Variants in PRKDC observed in about 807,000 individuals in gnomAD.
PRKDC encodes the protein protein kinase, DNA-activated, catalytic subunit.
In PRKDC, 82 loss-of-function variants were observed where a neutral mutation model predicts 486.9. The observed-to-expected ratio is 0.17, with a 90% confidence interval of 0.14 to 0.20. PRKDC has a LOEUF of 0.20. Ranked by LOEUF, PRKDC falls within the 10% of genes least tolerant of loss-of-function variation. PRKDC has a pLI of 1.00. For missense variants in PRKDC, 4,504 were observed against 5,038.2 expected (o/e 0.89, Z 3.21); for synonymous variants, 1,895 against 1,837.0 (o/e 1.03, Z -0.81).
intron 85 of PRKDC, among the ~76,000 whole-genome samples, chr8:47,774,803 T>A (rs2086575305): frequency 6.6e-6 from 1 of 152,086 alleles, no homozygotes; most frequent in South Asian, 2.1e-4. Flanking sequence ...GTTTTAAAAA[T>A]TTTTGGTAGA....
intron 8 of PRKDC, 41 bp downstream of exon 8, chr8:47,943,933 T>G: frequency 6.4e-7 from 1 of 1,559,130 alleles, no homozygotes; most frequent in Non-Finnish European, 8.7e-7. Flanking sequence ...GTCTGCACTG[T>G]AAAGGCATTA....
In PRKDC at chr8:47,879,480, T is replaced by C. The variant is rs8178112; in HGVS notation, c.5235+11A>G. ...GTGTTTTAATTTTACTTGATACTAC[T>C]AGAAACTAACCTTTTTCATGCAGTC... On this transcript the variant is annotated intron_variant, in intron 39 of 85. Coordinates refer to ENST00000314191, the MANE Select transcript of PRKDC (RefSeq NM_006904.7). 3.9e-6 allele frequency: 6 copies of C among 1,555,918 alleles called. No individual in the cohort carries two copies. The South Asian group carries it at 6.1e-5, about 16-fold the overall frequency.
intron 4 of PRKDC, among the ~76,000 whole-genome samples, chr8:47,954,786 A>C (rs2090675873): frequency 6.6e-6 from 1 of 152,206 alleles, no homozygotes; most frequent in Non-Finnish European, 1.5e-5. Flanking sequence ...AACCAGAAAC[A>C]AAGGAATTCT....
chr8:47,956,148 G>A (rs1292229119), intron 3 of PRKDC, among the ~76,000 whole-genome samples, 200 bp from the exon 4 acceptor site: 1 of 152,002 alleles, frequency 6.6e-6, no homozygotes, highest in Non-Finnish European at 1.5e-5. Context: ...GATCACCTGA[G>A]GTCAGGAGTT....
intron 48 of PRKDC, among the ~76,000 whole-genome samples, chr8:47,858,141 C>A (rs7003908): frequency 0.66 from 100,780 of 151,836 alleles, 33,597 homozygotes; most frequent in East Asian, 0.78. Context: ...CCTAAGAGTC[C>A]GCTGTTTTTC....
In PRKDC at chr8:47,801,000, AAAAC is replaced by A; in HGVS notation, c.9923-18_9923-15del. ...CGTTGTTCTCATCTGTTGGATTAAA[AAAAC>A]AAAACAAAACAAAATTTTGTATGTG... On this transcript the variant is annotated splice_polypyrimidine_tract_variant and intron_variant, in intron 70 of 85. Coordinates refer to ENST00000314191, the MANE Select transcript of PRKDC (RefSeq NM_006904.7). The A allele has an allele frequency of 1.3e-6, 2 of 1,598,852 alleles. No individual in the cohort carries two copies. Among genetic ancestry groups the A allele is most frequent in the South Asian group, 1.1e-5 (1 of 89,770 alleles).
intron 59 of PRKDC, among the ~76,000 whole-genome samples, chr8:47,832,152 A>C (rs1484715276): frequency 6.6e-6 from 1 of 152,226 alleles, no homozygotes. Flanking sequence ...AGGCCCAGGG[A>C]GGGCACGCAG....
Position 47,902,549 on chromosome 8 carries a change from C to CT in PRKDC, c.3269+19dup. ...TTTCAAAACCACAAGTTTCTCTTCT[C>CT]TGTTGTGTAGCTTACAAACCTGAAT... On this transcript the variant is annotated intron_variant, in intron 27 of 85. Coordinates refer to ENST00000314191, the MANE Select transcript of PRKDC (RefSeq NM_006904.7). 6.1e-6 allele frequency: 9 copies of CT among 1,483,298 alleles called. No homozygotes were observed. Among genetic ancestry groups the CT allele is most frequent in the Non-Finnish European group, 8.1e-6 (9 of 1,113,216 alleles). 91.9% of individuals were successfully genotyped at this position (1,483,298 alleles called of 1,614,324 possible).
At chr8:47,865,670 T>C (rs1310500195) in intron 40 of PRKDC, among the ~76,000 whole-genome samples, 1 of 152,032 alleles carries the variant, frequency 6.6e-6, no homozygotes, top group Non-Finnish European at 1.5e-5. Context: ...AAATACTAGA[T>C]TCAGAAAGTA....
chr8:47,800,023 T>C (rs1464664875), intron 71 of PRKDC, among the ~76,000 whole-genome samples: 1 of 152,166 alleles, frequency 6.6e-6, no homozygotes, highest in East Asian at 1.9e-4. Context: ...ATTAAAAAAT[T>C]TGTGTCATTC....
chr8:47,778,936 A>C, intron 81 of PRKDC, 68 bp downstream of exon 81: 1 of 1,456,688 alleles, frequency 6.9e-7, no homozygotes, highest in East Asian at 2.4e-5. Context: ...GCTAAGAATC[A>C]AAAGAAAACA....
chr8:47,922,117 A>G (rs1306462781), intron 21 of PRKDC, among the ~76,000 whole-genome samples: 5 of 151,604 alleles, frequency 3.3e-5, no homozygotes, highest in Admixed American at 2.0e-4. Context: ...GGTGTGAGCC[A>G]CAGCACCCAG....
At chr8:47,883,724 T>C (rs2089271247) in intron 36 of PRKDC, among the ~76,000 whole-genome samples, 1 of 152,380 alleles carries the variant, frequency 6.6e-6, no homozygotes, top group South Asian at 2.1e-4. Flanking sequence ...TCATTCTCCA[T>C]AGCAATTCTT....
chr8:47,957,000 A>AAAC, intron 3 of PRKDC, among the ~76,000 whole-genome samples, 171 bp downstream of exon 3: 1 of 149,922 alleles, frequency 6.7e-6, no homozygotes, highest in Non-Finnish European at 1.5e-5. Context: ...AAAAAAAAAA[A>AAAC]ACCTAATGAA....
At chr8:47,957,920 A>G (rs1395847505) in intron 1 of PRKDC, among the ~76,000 whole-genome samples, 1 of 152,248 alleles carries the variant, frequency 6.6e-6, no homozygotes, top group East Asian at 1.9e-4. Flanking sequence ...ACAGGGATGC[A>G]GTACGCAAAA....
intron 76 of PRKDC, among the ~76,000 whole-genome samples, chr8:47,786,046 C>T (rs1375326152): frequency 6.6e-6 from 1 of 151,840 alleles, no homozygotes; most frequent in African/African-American, 2.4e-5. Context: ...GCGGAGGTTG[C>T]AGTGAGCCGA....
chr8:47,928,669 C>T (rs1471719378), intron 19 of PRKDC, among the ~76,000 whole-genome samples: 1 of 151,990 alleles, frequency 6.6e-6, no homozygotes, highest in Non-Finnish European at 1.5e-5. Flanking sequence ...TCTCCTCCCC[C>T]AGCCTCCTAA....
At chr8:47,896,248 A>G (rs1343554814) in intron 30 of PRKDC, among the ~76,000 whole-genome samples, 1 of 151,994 alleles carries the variant, frequency 6.6e-6, no homozygotes, top group Non-Finnish European at 1.5e-5. Flanking sequence ...ACATTATAAT[A>G]TATCCTATAG....
At chr8:47,838,940 A>G (rs767231894) in intron 56 of PRKDC, among the ~76,000 whole-genome samples, 2 of 152,216 alleles carry the variant, frequency 1.3e-5, no homozygotes, top group Non-Finnish European at 2.9e-5. Flanking sequence ...CTTTTTCAAG[A>G]GTGTTATTTT....
Sources: allele counts gnomAD v4.1 joint callset (sites outside exome capture counted in the v4.1 genomes callset), GRCh38; gene constraint gnomAD v4.1.1; transcripts MANE v1.5; gene names NCBI Gene and HGNC (gene_info 2026-07-23, HGNC 2026-07-21).